The following RFX4 variants were observed in gnomAD, a reference collection of about 807,000 sequenced individuals.
The protein encoded by RFX4 is regulatory factor X4.
A neutral mutation model predicts 95.0 loss-of-function variants in RFX4; 10 were observed. That is an observed-to-expected ratio of 0.11 (90% CI 0.06 to 0.18). RFX4 has a LOEUF of 0.18. Ranked by LOEUF, RFX4 falls within the 10% of genes least tolerant of loss-of-function variation. The pLI, the probability that RFX4 is intolerant of heterozygous loss-of-function variation, is 1.00. For missense variants in RFX4, 640 were observed against 922.0 expected (o/e 0.69, Z 3.96); for synonymous variants, 321 against 340.7 (o/e 0.94, Z 0.64).
intron 17 of RFX4, among the ~76,000 whole-genome samples, chr12:106,754,395 G>C (rs2043071244): frequency 6.6e-6 from 1 of 152,138 alleles, no homozygotes; most frequent in African/African-American, 2.4e-5. Flanking sequence ...ATGGCTCCTG[G>C]GTAACTATGT....
chr12:106,587,637 C>CT (rs1365371041), intron 1 of RFX4, among the ~76,000 whole-genome samples: 1 of 152,236 alleles, frequency 6.6e-6, no homozygotes, highest in Non-Finnish European at 1.5e-5. Flanking sequence ...AGCCTCCCCC[C>CT]TCACCCGTCC....
At chr12:106,732,862 G>A (rs2042638902) in intron 14 of RFX4, 62 bp from the exon 15 acceptor site, 1 of 1,507,506 alleles carries the variant, frequency 6.6e-7, no homozygotes. Context: ...ACTTTTTAAA[G>A]TCTTTTAGAG....
chr12:106,759,055 C>T (rs935025906), intron 17 of RFX4, among the ~76,000 whole-genome samples: 4 of 152,350 alleles, frequency 2.6e-5, no homozygotes, highest in Admixed American at 2.6e-4. Context: ...CCATCAGGAG[C>T]ATATGAATAT....
chr12:106,672,346 G>T (rs926125115), intron 4 of RFX4, among the ~76,000 whole-genome samples: 1 of 152,048 alleles, frequency 6.6e-6, no homozygotes, highest in Admixed American at 6.6e-5. Flanking sequence ...CTATCCCTGC[G>T]GAGCCCCCAG....
At chr12:106,667,384 A>G (rs2041197904) in intron 4 of RFX4, among the ~76,000 whole-genome samples, 1 of 152,136 alleles carries the variant, frequency 6.6e-6, no homozygotes, top group Admixed American at 6.5e-5. Flanking sequence ...AGAAGAACAG[A>G]GTGCTCCAGC....
rs1400525389 is a variant in RFX4, at chr12:106,644,303, G to A, written c.191+4911G>A. Among the ~76,000 whole-genome samples, 4 of 143,588 alleles carry A rather than the reference G, an allele frequency of 2.8e-5. No individual in the cohort carries two copies. In the East Asian group the frequency reaches 6.2e-4, roughly 22 times the overall value. 94.2% of individuals were successfully genotyped at this position (143,588 alleles called of 152,430 possible). On this transcript the variant is annotated intron_variant, in intron 3 of 17. Transcript: ENST00000392842. Reference sequence around the variant, plus strand: ...GGCTGGAGTGCAATGGTGTGATCTCGGCTCACTGCAACTTCCACCTCCCAG... The same window carrying A: ...GGCTGGAGTGCAATGGTGTGATCTCAGCTCACTGCAACTTCCACCTCCCAG...
At chr12:106,616,197 T>C (rs898005670) in intron 2 of RFX4, among the ~76,000 whole-genome samples, 25 of 152,254 alleles carry the variant, frequency 1.6e-4, no homozygotes, top group Non-Finnish European at 2.4e-4. Context: ...AAACACTTTT[T>C]CTACATTTGT....
chr12:106,618,567 A>T (rs2040120269), intron 2 of RFX4, among the ~76,000 whole-genome samples: 1 of 152,012 alleles, frequency 6.6e-6, no homozygotes, highest in Non-Finnish European at 1.5e-5. Flanking sequence ...ATACAGCTAC[A>T]CCAGTTTTCT....
At chr12:106,585,072 A>C (rs1209808616) in intron 1 of RFX4, among the ~76,000 whole-genome samples, 1 of 152,258 alleles carries the variant, frequency 6.6e-6, no homozygotes, top group African/African-American at 2.4e-5. Flanking sequence ...CTAACATTAA[A>C]AATGAATATC....
intron 4 of RFX4, among the ~76,000 whole-genome samples, chr12:106,669,635 C>T (rs1044227348): frequency 6.6e-6 from 1 of 151,992 alleles, no homozygotes; most frequent in Non-Finnish European, 1.5e-5. Context: ...TGAACTGACA[C>T]AGCAGAAGAT....
intron 17 of RFX4, 143 bp downstream of exon 17, chr12:106,750,936 A>G: frequency 1.5e-6 from 1 of 682,108 alleles, no homozygotes; most frequent in East Asian, 3.8e-5. Flanking sequence ...TTATTTATTT[A>G]TTTATTTTTA....
chr12:106,612,193 T>C (rs1456718289), intron 2 of RFX4, among the ~76,000 whole-genome samples: 2 of 152,218 alleles, frequency 1.3e-5, no homozygotes, highest in Non-Finnish European at 2.9e-5. Context: ...TGTAGATTGC[T>C]TTGGATAGTT....
intron 10 of RFX4, among the ~76,000 whole-genome samples, chr12:106,714,068 C>CAAAAAAAAAAACA (rs2042240108): frequency 3.3e-5 from 1 of 30,524 alleles, no homozygotes; most frequent in Non-Finnish European, 5.9e-5. Flanking sequence ...AACTCCATCT[C>CAAAAAAAAAAACA]AAAAAAAAAA....
chr12:106,593,679 C>T (rs2039577879), intron 1 of RFX4, among the ~76,000 whole-genome samples: 1 of 152,100 alleles, frequency 6.6e-6, no homozygotes, highest in African/African-American at 2.4e-5. Flanking sequence ...TGGAATGTTG[C>T]GATTATAGGA....
intron 6 of RFX4, among the ~76,000 whole-genome samples, chr12:106,688,635 T>C (rs1330177212): frequency 6.6e-6 from 1 of 152,222 alleles, no homozygotes; most frequent in Non-Finnish European, 1.5e-5. Flanking sequence ...AATAGATAAA[T>C]ATTTTTTCTT....
chr12:106,637,001 A>C (rs962152793), intron 2 of RFX4, among the ~76,000 whole-genome samples: 1 of 152,118 alleles, frequency 6.6e-6, no homozygotes, highest in African/African-American at 2.4e-5. Flanking sequence ...TCACTCCTTC[A>C]ATTTTATTAG....
intron 15 of RFX4, among the ~76,000 whole-genome samples, chr12:106,734,613 A>C (rs1020811973): frequency 6.6e-6 from 1 of 151,820 alleles, no homozygotes; most frequent in African/African-American, 2.4e-5. Flanking sequence ...AAAAAAGTTA[A>C]TATGGATATA....
intron 4 of RFX4, among the ~76,000 whole-genome samples, chr12:106,672,113 C>T (rs142617198): frequency 1.3e-5 from 2 of 152,102 alleles, no homozygotes; most frequent in Non-Finnish European, 2.9e-5. Flanking sequence ...TTTGAACATG[C>T]CATCTCGGAA....
At chr12:106,601,484 T>G in intron 1 of RFX4, 1 of 832,416 alleles carries the variant, frequency 1.2e-6, no homozygotes, top group Non-Finnish European at 1.9e-6. Flanking sequence ...TGCAATTTCC[T>G]AAAATAGGCC....
Sources: gnomAD v4.1 joint callset for allele counts (sites outside exome capture counted in the v4.1 genomes callset) on GRCh38, gnomAD v4.1.1 for gene constraint, MANE v1.5 for transcripts, NCBI Gene and HGNC (gene_info 2026-07-23, HGNC 2026-07-21) for gene names.